Variants in PHF20 observed in about 807,000 individuals in gnomAD.
PHF20 encodes PHD finger protein 20.
Under a neutral mutation model 113.5 loss-of-function variants are expected in PHF20, and 23 were observed. The ratio of observed to expected loss-of-function variants is 0.20; its 90% CI spans 0.15 to 0.29. PHF20 has a LOEUF of 0.29. Ranked by LOEUF, PHF20 falls within the 10% of genes least tolerant of loss-of-function variation. The pLI, the probability that PHF20 is intolerant of heterozygous loss-of-function variation, is 1.00. For missense variants in PHF20, 943 were observed against 1,219.6 expected (o/e 0.77, Z 3.38); for synonymous variants, 434 against 457.3 (o/e 0.95, Z 0.65).
At chr20:35,844,010 T>A (rs1391289482) in intron 3 of PHF20, among the ~76,000 whole-genome samples, 2 of 152,184 alleles carry the variant, frequency 1.3e-5, no homozygotes, top group Non-Finnish European at 2.9e-5. Flanking sequence ...TTTTTTGTTT[T>A]GTTTTGTTTT....
chr20:35,848,606 C>T (rs2042664898), intron 4 of PHF20, among the ~76,000 whole-genome samples: 1 of 152,028 alleles, frequency 6.6e-6, no homozygotes, highest in Admixed American at 6.6e-5. Context: ...TGCCTGTAAT[C>T]CCAGCAGTTT....
At chr20:35,872,726 T>C (rs1256762139) in intron 9 of PHF20, among the ~76,000 whole-genome samples, 2 of 152,212 alleles carry the variant, frequency 1.3e-5, no homozygotes, top group Non-Finnish European at 2.9e-5. Flanking sequence ...GCTATTGATT[T>C]CTAATATAGT....
At chr20:35,936,011 T>G (rs1181620387) in intron 15 of PHF20, among the ~76,000 whole-genome samples, 1 of 152,222 alleles carries the variant, frequency 6.6e-6, no homozygotes, top group Non-Finnish European at 1.5e-5. Context: ...GCTTACCTTC[T>G]TCATGACTGA....
intron 17 of PHF20, among the ~76,000 whole-genome samples, chr20:35,946,750 G>A (rs562572830): frequency 3.4e-5 from 5 of 148,662 alleles, no homozygotes; most frequent in African/African-American, 9.9e-5. Flanking sequence ...TCGCTTTGTC[G>A]CCAGGCTGGA....
intron 2 of PHF20, among the ~76,000 whole-genome samples, chr20:35,809,067 C>T (rs2041932952): frequency 1.3e-5 from 2 of 150,454 alleles, no homozygotes; most frequent in South Asian, 2.1e-4. Context: ...CATGGTGAAA[C>T]CCCGTCTCTA....
intron 10 of PHF20, among the ~76,000 whole-genome samples, chr20:35,905,829 C>A (rs1192076405): frequency 6.6e-6 from 1 of 152,216 alleles, no homozygotes; most frequent in Non-Finnish European, 1.5e-5. Context: ...TAAGGTGCCC[C>A]TTCTGATGCC....
At chr20:35,896,205 AT>A (rs2054979702) in intron 9 of PHF20, among the ~76,000 whole-genome samples, 1 of 151,940 alleles carries the variant, frequency 6.6e-6, no homozygotes, top group Non-Finnish European at 1.5e-5. Context: ...TTTAGATCAA[AT>A]TTAAGAGTTT....
intron 1 of PHF20, among the ~76,000 whole-genome samples, chr20:35,790,355 C>T (rs1236855082): frequency 6.6e-6 from 1 of 151,954 alleles, no homozygotes; most frequent in African/African-American, 2.4e-5. Flanking sequence ...CGCATGCCAC[C>T]ACGCCTGGCT....
At chr20:35,892,973 A>G (rs2054904267) in intron 9 of PHF20, among the ~76,000 whole-genome samples, 1 of 152,188 alleles carries the variant, frequency 6.6e-6, no homozygotes, top group African/African-American at 2.4e-5. Context: ...GTGTTGCCAA[A>G]TTGAAAAGAG....
chr20:35,835,640 A>ATTT (rs111916948), intron 2 of PHF20, among the ~76,000 whole-genome samples: 7,718 of 152,286 alleles, frequency 0.051, 242 homozygotes, highest in African/African-American at 0.099. Context: ...TATTTACAGA[A>ATTT]TAAAAGAGTC....
At chr20:35,772,661 C>T (rs376986699) in intron 1 of PHF20, among the ~76,000 whole-genome samples, 2 of 152,060 alleles carry the variant, frequency 1.3e-5, no homozygotes, top group African/African-American at 4.8e-5. Flanking sequence ...GCCCTCCCCC[C>T]CCCAAATTTA....
chr20:35,846,308 A>G (rs772651820), intron 3 of PHF20, among the ~76,000 whole-genome samples: 4 of 151,616 alleles, frequency 2.6e-5, no homozygotes, highest in South Asian at 2.1e-4. Flanking sequence ...GCCATCGAGA[A>G]GCTGGGATTA....
In PHF20 at chr20:35,875,644, A is replaced by C. The variant is rs117813572; in HGVS notation, c.1282+3815A>C. 1.2e-3 allele frequency among the ~76,000 whole-genome samples: 185 copies of C among 152,272 alleles called. 4 individuals carry two copies. In the East Asian group the frequency reaches 0.033, roughly 27 times the overall value. On this transcript the variant is annotated intron_variant, in intron 9 of 17. Coordinates refer to ENST00000374012, the MANE Select transcript of PHF20 (RefSeq NM_016436.5). ...AAAGTTCATATGTAAATGAGGTGGAAATTTAATCTCGGAATTTAGTTGTCT... is the reference window on the plus strand; with the variant it reads ...AAAGTTCATATGTAAATGAGGTGGACATTTAATCTCGGAATTTAGTTGTCT...
chr20:35,846,866 C>T (rs1442929842), intron 3 of PHF20, among the ~76,000 whole-genome samples: 1 of 152,148 alleles, frequency 6.6e-6, no homozygotes, highest in Non-Finnish European at 1.5e-5. Context: ...CACAATTCTG[C>T]AGGCTGGGAA....
chr20:35,825,690 C>CTGGA (rs1425350202), intron 2 of PHF20, among the ~76,000 whole-genome samples: 1 of 151,922 alleles, frequency 6.6e-6, no homozygotes, highest in African/African-American at 2.4e-5. Context: ...GTTGCCCAGG[C>CTGGA]TGGAGTACAA....
intron 9 of PHF20, among the ~76,000 whole-genome samples, chr20:35,890,013 G>A (rs181715248): frequency 6.6e-6 from 1 of 151,808 alleles, no homozygotes; most frequent in African/African-American, 2.4e-5. Context: ...ACAGGCATGA[G>A]CCACCATCCC....
At position 35,876,520 on chromosome 20, in the gene PHF20, G is replaced by A. The variant is rs148575245; in HGVS notation, c.1282+4691G>A. 6.5e-4 allele frequency among the ~76,000 whole-genome samples: 99 copies of A among 152,056 alleles called. 1 individual carries two copies. In the East Asian group the frequency reaches 0.017, roughly 26 times the overall value. ...TGGGAGGTGGAGGTTGCAGTGAGCC[G>A]AGATTGCGCCCCTGCACCCAGCTTA... On this transcript the variant is annotated intron_variant, in intron 9 of 17. Coordinates refer to ENST00000374012, the MANE Select transcript of PHF20 (RefSeq NM_016436.5).
intron 2 of PHF20, among the ~76,000 whole-genome samples, chr20:35,814,417 C>A (rs1406317006): frequency 6.6e-6 from 1 of 151,234 alleles, no homozygotes; most frequent in African/African-American, 2.4e-5. Flanking sequence ...GGGTTTCACC[C>A]TCTTGGCCAG....
Position 35,950,072 on chromosome 20 carries a change from G to T in PHF20, c.*2445G>T, listed in dbSNP as rs58481463. The T allele has an allele frequency of 0.057, 8,725 of 152,558 alleles. 399 individuals carry two copies. Among genetic ancestry groups the T allele is most frequent in the African/African-American group, 0.13 (5,379 of 41,496 alleles). 9.5% of individuals were successfully genotyped at this position (152,558 alleles called of 1,614,324 possible). On this transcript the variant is annotated 3_prime_UTR_variant, in exon 18 of 18. Coordinates refer to ENST00000374012, the MANE Select transcript of PHF20 (RefSeq NM_016436.5). ...CCATCTCAAAAAAATAAAAATAAAAGAAAAGAAAGAAATATGTGCACTACC... is the reference window on the plus strand; with the variant it reads ...CCATCTCAAAAAAATAAAAATAAAATAAAAGAAAGAAATATGTGCACTACC...
Sources: allele counts gnomAD v4.1 joint callset (sites outside exome capture counted in the v4.1 genomes callset), GRCh38; gene constraint gnomAD v4.1.1; transcripts MANE v1.5; gene names NCBI Gene and HGNC (gene_info 2026-07-23, HGNC 2026-07-21).